TXNDC16: variants seen among roughly 807,000 people sequenced by gnomAD.
TXNDC16 encodes the protein thioredoxin domain-containing protein 16.
A neutral mutation model predicts 85.6 loss-of-function variants in TXNDC16; 74 were observed. That is an observed-to-expected ratio of 0.86 (90% confidence interval 0.72 to 1.05). The LOEUF (loss-of-function observed/expected upper bound fraction) is 1.05, where lower values mean the gene tolerates loss of function less well. TXNDC16 is among the 50% of genes least tolerant of loss of function. The pLI is 0.00. For synonymous variants in TXNDC16, 335 were observed against 326.5 expected (o/e 1.03, Z -0.28); for missense variants, 959 against 947.0 (o/e 1.01, Z -0.17).
intron 14 of TXNDC16, among the ~76,000 whole-genome samples, chr14:52,471,050 C>T (rs1020245941): frequency 6.6e-6 from 1 of 152,178 alleles, no homozygotes; most frequent in Non-Finnish European, 1.5e-5. Flanking sequence ...GTTCCAGACC[C>T]ATATATCCTT....
At chr14:52,522,417 A>G (rs2037231390) in intron 6 of TXNDC16, among the ~76,000 whole-genome samples, 1 of 152,196 alleles carries the variant, frequency 6.6e-6, no homozygotes, top group Non-Finnish European at 1.5e-5. Context: ...GTGAAAGCTG[A>G]TATTATCAAC....
At chr14:52,510,750 T>C (rs551198142) in intron 9 of TXNDC16, among the ~76,000 whole-genome samples, 1 of 152,226 alleles carries the variant, frequency 6.6e-6, no homozygotes, top group Non-Finnish European at 1.5e-5. Flanking sequence ...AGTTTGCTGA[T>C]CACCATCACC....
intron 9 of TXNDC16, among the ~76,000 whole-genome samples, chr14:52,502,935 C>T (rs893673892): frequency 1.8e-4 from 28 of 152,332 alleles, no homozygotes; most frequent in South Asian, 4.1e-4. Flanking sequence ...ATATCCCGCG[C>T]TTGAGGGCTC....
rs905788532 is a variant in TXNDC16 at position 52,537,654 on chromosome 14, C to G, written c.262G>C (p.Glu88Gln). The change falls in exon 5 of 21, where the codon GAA becomes CAA. Residue 88 changes from glutamate (E) to glutamine (Q), a missense_variant. Glu to Gln is a conservative substitution (Grantham distance 29, BLOSUM62 2). Coordinates refer to ENST00000281741, the MANE Select transcript of TXNDC16 (RefSeq NM_020784.3). ...SVAKVNCVKE[E>Q]ISRYCGKEKD... ...TCTTTTCCACAGTATCTTGATATTT[C>G]TTCTTTGACACAATTAACCTTTAAA... 1 of 1,583,850 alleles carries G rather than the reference C, an allele frequency of 6.3e-7. No homozygotes were observed. Among genetic ancestry groups the G allele is most frequent in the African/African-American group, 1.3e-5 (1 of 74,348 alleles).
chr14:52,540,530 C>G (rs1287974835), intron 4 of TXNDC16, among the ~76,000 whole-genome samples: 1 of 152,092 alleles, frequency 6.6e-6, no homozygotes, highest in African/African-American at 2.4e-5. Flanking sequence ...GAGGCTGAGA[C>G]AGGTGAATTG....
chr14:52,471,821 C>T (rs1203828343), intron 14 of TXNDC16, among the ~76,000 whole-genome samples: 2 of 151,650 alleles, frequency 1.3e-5, no homozygotes, highest in Non-Finnish European at 2.9e-5. Context: ...TTCCTACTTG[C>T]TCTATAATAA....
At chr14:52,516,402 C>T (rs1291907635) in intron 7 of TXNDC16, among the ~76,000 whole-genome samples, 3 of 152,118 alleles carry the variant, frequency 2.0e-5, no homozygotes, top group Admixed American at 1.3e-4. Context: ...CTGAGAATTC[C>T]GAAAACACTG....
At chr14:52,470,276 A>G (rs1454621585) in intron 15 of TXNDC16, 103 bp from the exon 16 acceptor site, 12 of 948,222 alleles carry the variant, frequency 1.3e-5, no homozygotes, top group Admixed American at 3.1e-5. Context: ...TACATAGGAT[A>G]ATATCTTACA....
At chr14:52,477,361 C>T (rs992868010) in intron 14 of TXNDC16, among the ~76,000 whole-genome samples, 1 of 152,134 alleles carries the variant, frequency 6.6e-6, no homozygotes, top group African/African-American at 2.4e-5. Flanking sequence ...CTAAATGCTC[C>T]ACTTAAGACA....
In TXNDC16 at chr14:52,432,028, C is replaced by CA. The variant is rs897093032; in HGVS notation, c.*275dup. On this transcript the variant is annotated 3_prime_UTR_variant, in exon 21 of 21. Transcript: ENST00000281741. ...TGTACTGCATTTAGAAGACTTGGTA[C>CA]AAAAAAGGATGTAAAATATCTCATT... The CA allele has an allele frequency of 1.8e-5, 5 of 274,896 alleles. No individual in the cohort carries two copies. Among genetic ancestry groups the CA allele is most frequent in the Admixed American group, 1.0e-4 (2 of 19,616 alleles). 17.0% of individuals were successfully genotyped at this position (274,896 alleles called of 1,614,324 possible).
intron 6 of TXNDC16, among the ~76,000 whole-genome samples, chr14:52,532,366 G>A (rs533970372): frequency 6.6e-6 from 1 of 152,122 alleles, no homozygotes; most frequent in Non-Finnish European, 1.5e-5. Context: ...AATACAGCAA[G>A]ACCCCATCTC....
intron 20 of TXNDC16, 31 bp downstream of exon 20, chr14:52,439,173 C>T: frequency 1.3e-6 from 2 of 1,591,944 alleles, no homozygotes; most frequent in South Asian, 2.2e-5. Context: ...AAATGCAGAA[C>T]TACATGTATT....
At chr14:52,543,112 T>C (rs1178549487) in intron 3 of TXNDC16, among the ~76,000 whole-genome samples, 3 of 152,140 alleles carry the variant, frequency 2.0e-5, no homozygotes, top group African/African-American at 7.2e-5. Context: ...GTATTTACTA[T>C]GAACTCAGCA....
chr14:52,439,376 C>T lies in TXNDC16; in HGVS notation c.2022G>A (p.Gly674=), dbSNP rs2035113001. ...CWLNLKNTPV[G]RGILRAYFDP... is the part of the protein sequence containing the mutation. Reference sequence around the variant, plus strand: ...CAAAATATGCCCTCAAGATTCCTCTCCCCACTGGAGTATTCTTTCTGCAAA... The same window carrying T: ...CAAAATATGCCCTCAAGATTCCTCTTCCCACTGGAGTATTCTTTCTGCAAA... The change falls in exon 20 of 21, where the codon GGG becomes GGA. Residue 674 remains glycine (G), a synonymous_variant. Transcript: ENST00000281741. The T allele has an allele frequency of 6.2e-7, 1 of 1,613,310 alleles. No individual in the cohort carries two copies. The highest frequency in any genetic ancestry group is 1.3e-5 in the African/African-American group (1 of 74,876).
At chr14:52,465,489 G>A (rs1246357247) in intron 16 of TXNDC16, among the ~76,000 whole-genome samples, 1 of 151,440 alleles carries the variant, frequency 6.6e-6, no homozygotes, top group Admixed American at 6.6e-5. Flanking sequence ...CTACTCGGGA[G>A]ACTGAGGCAG....
rs1275963460 is a variant in TXNDC16, at chr14:52,520,929, C to T, written c.393-1636G>A. On this transcript the variant is annotated intron_variant, in intron 6 of 20. Coordinates refer to ENST00000281741, the MANE Select transcript of TXNDC16 (RefSeq NM_020784.3). ...TATATCCTTTAAATTTATTGAGGTC[C>T]TCAAGGAGCTTTTATGTAAGTTATA... Among the ~76,000 whole-genome samples the T allele has an allele frequency of 4.6e-5, 7 of 151,956 alleles. No homozygotes were observed. The South Asian group carries it at 6.2e-4, about 14-fold the overall frequency.
At chr14:52,521,156 G>A (rs544707217) in intron 6 of TXNDC16, among the ~76,000 whole-genome samples, 20 of 151,732 alleles carry the variant, frequency 1.3e-4, no homozygotes, top group South Asian at 2.1e-4. Flanking sequence ...TCTGTCGCCC[G>A]GGCTAGAGTG....
intron 14 of TXNDC16, among the ~76,000 whole-genome samples, chr14:52,477,815 G>A (rs890186436): frequency 3.9e-5 from 6 of 151,930 alleles, no homozygotes; most frequent in African/African-American, 1.5e-4. Context: ...ACTATACCCT[G>A]GTACAAATGG....
At chr14:52,550,435 C>T (rs1471431431) in intron 1 of TXNDC16, among the ~76,000 whole-genome samples, 7 of 152,314 alleles carry the variant, frequency 4.6e-5, no homozygotes. Context: ...GTCAACATCT[C>T]TCCCCTTTAG....
Sources: gnomAD v4.1 joint callset for allele counts (sites outside exome capture counted in the v4.1 genomes callset) on GRCh38, gnomAD v4.1.1 for gene constraint, MANE v1.5 for transcripts, NCBI Gene and HGNC (gene_info 2026-07-23, HGNC 2026-07-21) for gene names.